The following PARP1 variants were observed in gnomAD, a reference collection of about 807,000 sequenced individuals.
The protein encoded by PARP1 is poly [ADP-ribose] polymerase 1.
In PARP1, 44 loss-of-function variants were observed where a neutral mutation model predicts 118.7. The observed-to-expected ratio is 0.37, with a 90% CI of 0.29 to 0.48. The LOEUF (loss-of-function observed/expected upper bound fraction) is 0.48, where lower values mean the gene tolerates loss of function less well. Among genes scored for constraint, PARP1 ranks in the 20% least tolerant of loss-of-function variants. The pLI, the probability that PARP1 is intolerant of heterozygous loss-of-function variation, is 0.99. For missense variants in PARP1, 1,100 were observed against 1,272.4 expected, an observed-to-expected ratio of 0.86 and a Z score of 2.06; for synonymous variants, 492 against 483.2, an observed-to-expected ratio of 1.02 and a Z score of -0.24.
intron 2 of PARP1, 43 bp downstream of exon 2, chr1:226,402,171 A>G (rs779186481): frequency 1.9e-6 from 3 of 1,614,142 alleles, no homozygotes; most frequent in Non-Finnish European, 2.5e-6. Context: ...TGGGAGCTTC[A>G]GGGTGGGGGC....
At chr1:226,382,566 G>A (rs1173423765) in intron 8 of PARP1, among the ~76,000 whole-genome samples, 4 of 152,106 alleles carry the variant, frequency 2.6e-5, no homozygotes, top group African/African-American at 4.8e-5. Flanking sequence ...TCACTCCATC[G>A]CCCAAGCTGG....
rs750061213 is a variant in PARP1, at chr1:226,390,394, G to A, written c.617+16C>T. 79 of 1,610,640 alleles carry A rather than the reference G, an allele frequency of 4.9e-5. No homozygotes were observed. Among genetic ancestry groups the A allele is most frequent in the South Asian group, 6.6e-5 (6 of 90,978 alleles). ...CTCACTGAACCCCCAGGGCAACCCCGCAGTGCTCCACCCACCCTTCACTCT... is the reference window on the plus strand; with the variant it reads ...CTCACTGAACCCCCAGGGCAACCCCACAGTGCTCCACCCACCCTTCACTCT... On this transcript the variant is annotated intron_variant, in intron 4 of 22. Coordinates refer to ENST00000366794, the MANE Select transcript of PARP1 (RefSeq NM_001618.4).
intron 2 of PARP1, among the ~76,000 whole-genome samples, chr1:226,400,761 G>A (rs1416241909): frequency 2.0e-5 from 3 of 152,254 alleles, no homozygotes; most frequent in Admixed American, 1.3e-4. Context: ...TGGAAGTGCA[G>A]AGAACCACAG....
At chr1:226,393,907 G>A (rs1197928183) in intron 2 of PARP1, among the ~76,000 whole-genome samples, 2 of 152,166 alleles carry the variant, frequency 1.3e-5, no homozygotes, top group Admixed American at 6.5e-5. Context: ...AGACAGACAT[G>A]ACTACACAAA....
chr1:226,368,476 T>C (rs538606324), intron 15 of PARP1, among the ~76,000 whole-genome samples, 155 bp from the exon 16 acceptor site: 1 of 152,278 alleles, frequency 6.6e-6, no homozygotes, highest in East Asian at 1.9e-4. Context: ...CAGAAGACCA[T>C]CTTCCTGTTA....
At chr1:226,383,538 C>G (rs865847143) in intron 7 of PARP1, among the ~76,000 whole-genome samples, 26 of 152,338 alleles carry the variant, frequency 1.7e-4, no homozygotes, top group African/African-American at 6.3e-4. Flanking sequence ...TCCTGAGTTG[C>G]TCCCTTCGAG....
At chr1:226,367,198 T>C in intron 17 of PARP1, 1 of 472,474 alleles carries the variant, frequency 2.1e-6, no homozygotes, top group Non-Finnish European at 3.9e-6. Flanking sequence ...AAAAAAGAAC[T>C]TTTGGTAAGA....
At chr1:226,378,245 A>C (rs1019952891) in intron 12 of PARP1, among the ~76,000 whole-genome samples, 15 of 152,114 alleles carry the variant, frequency 9.9e-5, no homozygotes, top group African/African-American at 3.6e-4. Context: ...ACACTGACAC[A>C]TAAATGCTAT....
At chr1:226,390,311 G>A (rs909269915) in intron 4 of PARP1, 99 bp downstream of exon 4, 8 of 1,034,998 alleles carry the variant, frequency 7.7e-6, no homozygotes, top group Admixed American at 3.4e-5. Flanking sequence ...GACAGTCAGC[G>A]AAGGGAAACA....
chr1:226,398,527 T>TA (rs59275599), intron 2 of PARP1, among the ~76,000 whole-genome samples: 19,749 of 138,248 alleles, frequency 0.14, 1,807 homozygotes, highest in Non-Finnish European at 0.2. Context: ...AAGACAGTCT[T>TA]AAAAAAAAAA....
intron 19 of PARP1, 72 bp from the exon 20 acceptor site, chr1:226,364,142 A>G (rs764609838): frequency 1.3e-6 from 2 of 1,504,658 alleles, no homozygotes; most frequent in Non-Finnish European, 1.8e-6. Flanking sequence ...ACTGAGTGCC[A>G]ACTTGAGCAA....
rs763872777 is a variant in PARP1 at position 226,370,485 on chromosome 1, C to T, written c.2103G>A (p.Leu701=). 1 of 1,614,090 alleles carries T rather than the reference C, an allele frequency of 6.2e-7. No individual in the cohort carries two copies. The highest frequency in any genetic ancestry group is 1.7e-5 in the Admixed American group (1 of 60,014). ...ATGCGGCCTGGATCTGCCTTTTGCTCAGCTTCCCCAAGGGCATCTTCTGAA... is the reference window on the plus strand; with the variant it reads ...ATGCGGCCTGGATCTGCCTTTTGCTTAGCTTCCCCAAGGGCATCTTCTGAA... ...IDLQKMPLGK[L]SKRQIQAAYS... is the part of the protein sequence containing the mutation. Residue 701 remains leucine, a synonymous_variant, in exon 15 of 23, where the codon CTG becomes CTA. Coordinates refer to ENST00000366794, the MANE Select transcript of PARP1 (RefSeq NM_001618.4).
At chr1:226,402,452 T>C (rs1037582026) in intron 1 of PARP1, 73 bp from the exon 2 acceptor site, 19 of 1,436,032 alleles carry the variant, frequency 1.3e-5, no homozygotes, top group Middle Eastern at 1.7e-4. Flanking sequence ...ACCTTGACCT[T>C]GACCTCGACC....
At chr1:226,398,235 G>A (rs921178689) in intron 2 of PARP1, among the ~76,000 whole-genome samples, 1 of 152,158 alleles carries the variant, frequency 6.6e-6, no homozygotes, top group Admixed American at 6.5e-5. Flanking sequence ...ATTTTCAAAA[G>A]ACATATGACA....
rs1664131140 is a variant in PARP1 at position 226,361,304 on chromosome 1, G to A, written c.*156C>T. ...ACAAAACAAGGGACTTGAGAAGTTA[G>A]AGAAAACCTTTAACACGTTTCTGTA... On this transcript the variant is annotated 3_prime_UTR_variant, in exon 23 of 23. Transcript: ENST00000366794. The A allele has an allele frequency of 1.4e-6, 1 of 697,148 alleles. No homozygotes were observed. The highest frequency in any genetic ancestry group is 2.7e-6 in the Non-Finnish European group (1 of 373,726). The allele number at this position is 697,148 out of a possible 1,614,324, so 43.2% of individuals were successfully genotyped here. A position where few individuals can be genotyped will look rare whatever the true frequency, so the allele number is the denominator to read the frequency against.
rs776751485 is a variant in PARP1, at chr1:226,368,319, C to T, written c.2157G>A (p.Ala719=). The stretch of plus-strand genomic sequence containing the variant: ...GAGAGTCGCTGCTGCCCTGAGACAC[C>T]GCCTGGAGAGGAGGGGACAGAAGGA... ...AYSILSEVQQ[A]VSQGSSDSQI... Residue 719 remains alanine, a splice_region_variant and synonymous_variant, in exon 16 of 23, where the codon GCG becomes GCA. Transcript: ENST00000366794. 8.7e-6 allele frequency: 14 copies of T among 1,613,990 alleles called. No individual in the cohort carries two copies. Among genetic ancestry groups the T allele is most frequent in the Middle Eastern group, 1.6e-4 (1 of 6,084 alleles).
In PARP1 at chr1:226,380,878, A is replaced by C. The variant is rs1179417318; in HGVS notation, c.1300+190T>G. Reference sequence around the variant, plus strand: ...GTCTTTAGTTGAGAACACGCAATGCATGTGAATCTACAGTACAAAGCAGCA... The same window carrying C: ...GTCTTTAGTTGAGAACACGCAATGCCTGTGAATCTACAGTACAAAGCAGCA... On this transcript the variant is annotated intron_variant, in intron 9 of 22. Coordinates refer to ENST00000366794, the MANE Select transcript of PARP1 (RefSeq NM_001618.4). 4.6e-5 allele frequency among the ~76,000 whole-genome samples: 7 copies of C among 152,218 alleles called. 1 individual carries two copies. The highest frequency in any genetic ancestry group is 1.5e-5 in the Non-Finnish European group (1 of 68,034).
At chr1:226,394,750 G>C (rs1664884068) in intron 2 of PARP1, among the ~76,000 whole-genome samples, 1 of 152,112 alleles carries the variant, frequency 6.6e-6, no homozygotes, top group African/African-American at 2.4e-5. Flanking sequence ...ACTCCAGCCT[G>C]GGTGACAGAG....
chr1:226,361,454 T>A lies in PARP1; in HGVS notation c.*6A>T. ...CCACCGGGTGTGACTCGGCTACCTC[T>A]CCCAATTACCACAGGGAGGTCTTAA... On this transcript the variant is annotated 3_prime_UTR_variant, in exon 23 of 23. Transcript: ENST00000366794. The A allele has an allele frequency of 6.2e-7, 1 of 1,600,530 alleles. No individual in the cohort carries two copies. Among genetic ancestry groups the A allele is most frequent in the Non-Finnish European group, 8.6e-7 (1 of 1,167,904 alleles).
Sources: allele counts gnomAD v4.1 joint callset (sites outside exome capture counted in the v4.1 genomes callset), GRCh38; gene constraint gnomAD v4.1.1; transcripts MANE v1.5; gene names NCBI Gene and HGNC (gene_info 2026-07-23, HGNC 2026-07-21).